The following ERICH3 variants were observed in gnomAD, a reference collection of about 807,000 sequenced individuals.
The protein encoded by ERICH3 is glutamate-rich protein 3.
A neutral mutation model predicts 131.1 loss-of-function variants in ERICH3; 126 were observed. The ratio of observed to expected loss-of-function variants is 0.96; its 90% CI spans 0.83 to 1.11. The LOEUF is 1.11. Among genes scored for constraint, ERICH3 ranks in the 50% most tolerant of loss-of-function variants. The pLI is 0.00. For synonymous variants in ERICH3, 695 were observed against 644.6 expected (o/e 1.08, Z -1.18); for missense variants, 2,050 against 1,810.7 (o/e 1.13, Z -2.40).
chr1:74,579,586 T>C (rs976575120), intron 12 of ERICH3: 3 of 985,258 alleles, frequency 3.0e-6, no homozygotes, highest in South Asian at 4.7e-5. Context: ...AAGGACTTAC[T>C]AGGTGTGAAA....
intron 1 of ERICH3, among the ~76,000 whole-genome samples, chr1:74,652,140 A>C (rs699857): frequency 0.71 from 107,633 of 152,080 alleles, 38,950 homozygotes; most frequent in African/African-American, 0.85. Flanking sequence ...CAGTTATTTC[A>C]TTTTTAGACA....
intron 7 of ERICH3, chr1:74,624,896 G>C (rs939088336): frequency 1.4e-5 from 2 of 148,032 alleles, no homozygotes; most frequent in African/African-American, 2.6e-5. Context: ...CTCCTTGATA[G>C]CTGGGATTAC....
At position 74,620,754 on chromosome 1, in the gene ERICH3, T is replaced by G. The variant is rs537513647; in HGVS notation, c.980A>C (p.Lys327Thr). Reference sequence around the variant, plus strand: ...TGTACCTTTTTCAAGTAGTTTGCCTTTGTAGACACAAAGGTTTTCCCCACC... The same window carrying G: ...TGTACCTTTTTCAAGTAGTTTGCCTGTGTAGACACAAAGGTTTTCCCCACC... ...HCGGENLCVY[K>T]GKLLEKETFQ... is the part of the protein sequence containing the mutation. The change falls in exon 8 of 15, where the codon AAA (lysine) becomes ACA (threonine). Residue 327 changes from lysine to threonine, a missense_variant. By Grantham distance (78) the Lys-to-Thr change is moderately conservative. Coordinates refer to ENST00000326665, the MANE Select transcript of ERICH3 (RefSeq NM_001002912.5). 2 of 1,608,230 alleles carry G rather than the reference T, an allele frequency of 1.2e-6. No individual in the cohort carries two copies. Among genetic ancestry groups the G allele is most frequent in the Admixed American group, 3.4e-5 (2 of 58,674 alleles).
In ERICH3 at chr1:74,641,405, G is replaced by T. The variant is rs367573285; in HGVS notation, c.370C>A (p.Pro124Thr). Residue 124 changes from proline to threonine, a missense_variant, in exon 5 of 15, where the codon CCA becomes ACA. Pro to Thr is a conservative substitution (Grantham distance 38). Transcript: ENST00000326665. ...ENNMPILSPH[P>T]PVGPKSNRGH... ...CGATTACTCTTTGGGCCAACTGGTG[G>T]GTGGGGAGACAGGATTGGCATGTTA... The T allele has an allele frequency of 6.2e-7, 1 of 1,612,046 alleles. No individual in the cohort carries two copies. The highest frequency in any genetic ancestry group is 8.5e-7 in the Non-Finnish European group (1 of 1,179,256).
chr1:74,624,302 C>T (rs193013606), intron 7 of ERICH3: 1 of 152,158 alleles, frequency 6.6e-6, no homozygotes, highest in Non-Finnish European at 1.5e-5. Flanking sequence ...ACCAGCCTGA[C>T]CATAAAAAGT....
chr1:74,608,345 G>A (rs866427452), intron 9 of ERICH3, among the ~76,000 whole-genome samples: 2 of 151,938 alleles, frequency 1.3e-5, no homozygotes, highest in South Asian at 2.1e-4. Context: ...AACTACTCAC[G>A]TTCCCCTCTC....
chr1:74,609,003 C>T (rs746595009), intron 9 of ERICH3, among the ~76,000 whole-genome samples: 1 of 151,988 alleles, frequency 6.6e-6, no homozygotes. Context: ...ATTGGACAAA[C>T]AAAGTGAGTA....
chr1:74,643,757 G>T (rs976172364), intron 3 of ERICH3, among the ~76,000 whole-genome samples: 29 of 152,128 alleles, frequency 1.9e-4, no homozygotes, highest in Middle Eastern at 3.4e-3. Flanking sequence ...ATGAACTTGC[G>T]CCAGGTCATA....
intron 5 of ERICH3, 135 bp downstream of exon 5, chr1:74,641,196 A>G (rs543601964): frequency 4.9e-5 from 49 of 994,432 alleles, no homozygotes; most frequent in Middle Eastern, 6.6e-4. Flanking sequence ...TTGAACAGAT[A>G]TAAGACTATA....
chr1:74,624,393 G>T (rs1649344469), intron 7 of ERICH3: 1 of 152,170 alleles, frequency 6.6e-6, no homozygotes, highest in South Asian at 2.1e-4. Context: ...ATATCCCAAA[G>T]ACTTAGGAAG....
intron 1 of ERICH3, among the ~76,000 whole-genome samples, chr1:74,660,893 A>C (rs1365879817): frequency 6.6e-6 from 1 of 151,542 alleles, no homozygotes; most frequent in Non-Finnish European, 1.5e-5. Context: ...TTTTTAAAAA[A>C]CTCTCACATA....
rs764619450 is a variant in ERICH3 at position 74,573,265 on chromosome 1, T to G, written c.2445A>C (p.Thr815=). 1.2e-6 allele frequency: 2 copies of G among 1,600,144 alleles called. No individual in the cohort carries two copies. Among genetic ancestry groups the G allele is most frequent in the East Asian group, 2.2e-5 (1 of 44,860 alleles). The change falls in exon 14 of 15, where the codon ACA becomes ACC. Residue 815 remains threonine (T), a synonymous_variant. Transcript: ENST00000326665. The part of the protein sequence containing the change: ...HEAPLRAWKP[T]AEQPELAEEF... ...CTTCTGCCAATTCTGGCTGCTCTGC[T>G]GTTGGCTTCCACGCCCTCAAGGGAG...
intron 10 of ERICH3, among the ~76,000 whole-genome samples, chr1:74,601,417 T>C (rs1319414111): frequency 6.6e-6 from 1 of 151,890 alleles, no homozygotes; most frequent in African/African-American, 2.4e-5. Flanking sequence ...AAAGAAGATG[T>C]AGGTACACAA....
intron 13 of ERICH3, among the ~76,000 whole-genome samples, chr1:74,574,535 C>G (rs753521250): frequency 6.6e-6 from 1 of 152,182 alleles, no homozygotes; most frequent in East Asian, 1.9e-4. Flanking sequence ...TGCATTACCT[C>G]TCACCTGTGT....
At chr1:74,586,374 A>G (rs1354899048) in intron 12 of ERICH3, 1 of 965,944 alleles carries the variant, frequency 1.0e-6, no homozygotes, top group Non-Finnish European at 1.2e-6. Context: ...ATCTATACCT[A>G]TCTACCTACC....
chr1:74,596,059 A>G (rs975794584), intron 11 of ERICH3, among the ~76,000 whole-genome samples: 1 of 152,098 alleles, frequency 6.6e-6, no homozygotes, highest in Non-Finnish European at 1.5e-5. Context: ...AAGCCAAAAG[A>G]TTAAGGGTGA....
chr1:74,572,873 T>C lies in ERICH3; in HGVS notation c.2837A>G (p.Glu946Gly), dbSNP rs770473623. 5 of 1,613,930 alleles carry C rather than the reference T, an allele frequency of 3.1e-6. No homozygotes were observed. The highest frequency in any genetic ancestry group is 4.2e-6 in the Non-Finnish European group (5 of 1,179,996). The change falls in exon 14 of 15, where the codon GAA (glutamate) becomes GGA (glycine). Residue 946 changes from glutamate to glycine, a missense_variant. Coordinates refer to ENST00000326665, the MANE Select transcript of ERICH3 (RefSeq NM_001002912.5). ...GVAVSDVGES[E>G]EEASIDLEDT... ...CTCTAGGTCTATGGATGCTTCCTCTTCACTTTCTCCGACATCACTCACAGC... is the reference window on the plus strand; with the variant it reads ...CTCTAGGTCTATGGATGCTTCCTCTCCACTTTCTCCGACATCACTCACAGC...
chr1:74,612,584 C>T, intron 9 of ERICH3, 39 bp downstream of exon 9: 1 of 1,471,412 alleles, frequency 6.8e-7, no homozygotes, highest in Admixed American at 2.0e-5. Context: ...AAAAATGTAG[C>T]AAAACTTGCC....
chr1:74,594,362 C>A, intron 11 of ERICH3, among the ~76,000 whole-genome samples: 1 of 151,246 alleles, frequency 6.6e-6, no homozygotes. Context: ...TAGCTTGATA[C>A]GCCTGACCAA....
Sources: allele counts gnomAD v4.1 joint callset (sites outside exome capture counted in the v4.1 genomes callset), GRCh38; gene constraint gnomAD v4.1.1; transcripts MANE v1.5; gene names NCBI Gene and HGNC (gene_info 2026-07-23, HGNC 2026-07-21).